CEP250: variants seen among roughly 807,000 people sequenced by gnomAD.
CEP250 encodes centrosomal protein 250.
Under a neutral mutation model 315.7 loss-of-function variants are expected in CEP250, and 242 were observed. The observed-to-expected ratio is 0.77, with a 90% confidence interval of 0.69 to 0.85. The LOEUF is 0.85. Among genes scored for constraint, CEP250 ranks in the 40% least tolerant of loss-of-function variants. The pLI is 0.00. For synonymous variants in CEP250, 1,088 were observed against 1,175.0 expected (o/e 0.93, Z 1.51); for missense variants, 2,515 against 2,886.4 (o/e 0.87, Z 2.95).
chr20:35,502,694 G>A lies in CEP250; in HGVS notation c.4325G>A (p.Gly1442Glu), dbSNP rs753620697. 1 of 1,614,282 alleles carries A rather than the reference G, an allele frequency of 6.2e-7. No homozygotes were observed. Among genetic ancestry groups the A allele is most frequent in the Non-Finnish European group, 8.5e-7 (1 of 1,180,054 alleles). The change falls in exon 30 of 35, where the codon GGA (glycine) becomes GAA (glutamate). Residue 1442 changes from glycine to glutamate, a missense_variant. Transcript: ENST00000397527. ...EREEEVETLR[G>E]QIQELEKQRE... ...GAAGAGGAGGTGGAGACTCTGCGGG[G>A]ACAAATCCAGGAACTGGAGAAGCAA...
chr20:35,498,452 AAT>A, intron 26 of CEP250, 141 bp from the exon 27 acceptor site: 1 of 1,019,976 alleles, frequency 9.8e-7, no homozygotes, highest in Non-Finnish European at 1.4e-6. Context: ...TTATGGAGAA[AAT>A]ATGTGATGAG....
intron 21 of CEP250, 98 bp from the exon 22 acceptor site, chr20:35,491,114 C>T: frequency 2.1e-6 from 3 of 1,443,334 alleles, no homozygotes; most frequent in South Asian, 1.3e-5. Context: ...TTCCCATTTG[C>T]TAGGAGAGCC....
intron 29 of CEP250, among the ~76,000 whole-genome samples, chr20:35,502,172 G>T (rs1405938534): frequency 1.3e-5 from 2 of 152,200 alleles, no homozygotes; most frequent in Non-Finnish European, 2.9e-5. Context: ...TTTGCCCCTT[G>T]TCCTGAAGGA....
At chr20:35,485,115 G>A (rs529776918) in intron 20 of CEP250, among the ~76,000 whole-genome samples, 2 of 150,406 alleles carry the variant, frequency 1.3e-5, no homozygotes, top group African/African-American at 4.9e-5. Context: ...GCTTACGCCT[G>A]TAATCCCAGC....
At position 35,479,704 on chromosome 20, in the gene CEP250, A is replaced by G. The variant is rs1456221198; in HGVS notation, c.2347A>G (p.Ile783Val). ...LFEAQQQNSV[I>V]EVTKGQLEVQ... ...TGAAGCCCAACAACAAAATTCTGTGATAGAGGTCACCAAGGGGCAGCTGGA... is the reference window on the plus strand; with the variant it reads ...TGAAGCCCAACAACAAAATTCTGTGGTAGAGGTCACCAAGGGGCAGCTGGA... Residue 783 changes from isoleucine to valine, a missense_variant, in exon 19 of 35, where the codon ATA becomes GTA. By Grantham distance (29) the Ile-to-Val change is conservative. Transcript: ENST00000397527. 2 of 1,614,124 alleles carry G rather than the reference A, an allele frequency of 1.2e-6. No individual in the cohort carries two copies. The highest frequency in any genetic ancestry group is 1.7e-5 in the Admixed American group (1 of 60,012).
intron 23 of CEP250, among the ~76,000 whole-genome samples, chr20:35,493,811 GCTGT>G (rs1268079975): frequency 6.6e-6 from 1 of 152,070 alleles, no homozygotes; most frequent in African/African-American, 2.4e-5. Context: ...GTTTTCCCTG[GCTGT>G]CTCAGTTTCA....
At chr20:35,499,127 T>C (rs1234568375) in intron 27 of CEP250, among the ~76,000 whole-genome samples, 2 of 152,014 alleles carry the variant, frequency 1.3e-5, no homozygotes, top group Non-Finnish European at 2.9e-5. Flanking sequence ...ATACAAAAAT[T>C]AGCCAGAGGT....
At chr20:35,484,510 T>C (rs970628138) in intron 20 of CEP250, among the ~76,000 whole-genome samples, 7 of 152,134 alleles carry the variant, frequency 4.6e-5, no homozygotes, top group Non-Finnish European at 8.8e-5. Flanking sequence ...TTTTGTCCCC[T>C]CTCCACATCC....
chr20:35,458,473 ATCTT>A (rs2146634654), intron 2 of CEP250, 99 bp downstream of exon 2: 1 of 152,320 alleles, frequency 6.6e-6, no homozygotes, highest in Non-Finnish European at 1.5e-5. Context: ...AAAGAAATGA[ATCTT>A]TCCCTTTTTC....
intron 1 of CEP250, among the ~76,000 whole-genome samples, 161 bp from the exon 2 acceptor site, chr20:35,458,143 T>A (rs2062672711): frequency 6.6e-6 from 1 of 152,260 alleles, no homozygotes; most frequent in South Asian, 2.1e-4. Flanking sequence ...TTAATACCAT[T>A]CTGCATCTTA....
intron 29 of CEP250, 109 bp from the exon 30 acceptor site, chr20:35,502,281 C>A: frequency 9.7e-7 from 1 of 1,028,288 alleles, no homozygotes; most frequent in Non-Finnish European, 1.4e-6. Context: ...TTTTTTTGCC[C>A]AAGTCCTTAT....
At position 35,502,685 on chromosome 20, in the gene CEP250, C is replaced by G; in HGVS notation, c.4316C>G (p.Thr1439Ser). The G allele has an allele frequency of 6.2e-7, 1 of 1,614,214 alleles. No individual in the cohort carries two copies. The highest frequency in any genetic ancestry group is 8.5e-7 in the Non-Finnish European group (1 of 1,180,028). The stretch of plus-strand genomic sequence containing the variant: ...GCTGAAAGAGAAGAGGAGGTGGAGA[C>G]TCTGCGGGGACAAATCCAGGAACTG... ...TLAEREEEVETLRGQIQELEK... is the reference protein window; with the variant it reads ...TLAEREEEVESLRGQIQELEK... Residue 1439 changes from threonine (T) to serine (S), a missense_variant, in exon 30 of 35, where the codon ACT (threonine) becomes AGT (serine). Thr to Ser is a moderately conservative substitution (Grantham distance 58, BLOSUM62 1). Coordinates refer to ENST00000397527, the MANE Select transcript of CEP250 (RefSeq NM_007186.6).
chr20:35,503,171 G>T lies in CEP250; in HGVS notation c.4802G>T (p.Ser1601Ile). 6.2e-7 allele frequency: 1 copy of T among 1,614,132 alleles called. No individual in the cohort carries two copies. Among genetic ancestry groups the T allele is most frequent in the Non-Finnish European group, 8.5e-7 (1 of 1,179,996 alleles). The change falls in exon 30 of 35, where the codon AGC (serine) becomes ATC (isoleucine). Residue 1601 changes from serine to isoleucine, a missense_variant. Physicochemically the swap from Ser to Ile is moderately radical, Grantham distance 142. Coordinates refer to ENST00000397527, the MANE Select transcript of CEP250 (RefSeq NM_007186.6). The surrounding 1 kb of genome is among the most constrained non-coding windows in gnomAD (Gnocchi z 4.2). ...THLTLDLEER[S>I]QELQAQSSQI... ...CTTACGCTGGACCTAGAAGAAAGGA[G>T]CCAGGAGCTGCAGGCACAAAGCAGC...
chr20:35,459,116 C>T (rs760110862), intron 2 of CEP250, among the ~76,000 whole-genome samples: 98 of 151,334 alleles, frequency 6.5e-4, no homozygotes, highest in Non-Finnish European at 5.9e-4. Flanking sequence ...CAGGTGTGAG[C>T]CACTGTGCCT....
At position 35,501,928 on chromosome 20, in the gene CEP250, C is replaced by T. The variant is rs747999521; in HGVS notation, c.3982C>T (p.Arg1328Cys). 85 of 1,613,320 alleles carry T rather than the reference C, an allele frequency of 5.3e-5. No individual in the cohort carries two copies. The highest frequency in any genetic ancestry group is 5.9e-5 in the Non-Finnish European group (70 of 1,180,020). ...LHETMASLQS[R>C]LRRAELQRME... ...TGAAACTATGGCATCCTTACAGAGT[C>T]GCCTGCGGAGAGCAGAGCTACAGCG... is the stretch of plus-strand genomic sequence containing the variant. Residue 1328 changes from arginine (R) to cysteine (C), a missense_variant, in exon 29 of 35, where the codon CGC (arginine) becomes TGC (cysteine). By Grantham distance (180) the Arg-to-Cys change is radical. Transcript: ENST00000397527.
At chr20:35,463,457 C>A in intron 4 of CEP250, 118 bp from the exon 5 acceptor site, 1 of 732,826 alleles carries the variant, frequency 1.4e-6, no homozygotes, top group East Asian at 3.0e-5. Flanking sequence ...CCTTACCTTA[C>A]TGTCACCACC....
At chr20:35,493,671 C>T (rs1244439787) in intron 23 of CEP250, 99 bp downstream of exon 23, 2 of 1,220,688 alleles carry the variant, frequency 1.6e-6, no homozygotes, top group Non-Finnish European at 2.2e-6. Flanking sequence ...GGCCCTGCTG[C>T]CTGGTTTGGG....
At chr20:35,482,626 C>G (rs1295988777) in intron 20 of CEP250, among the ~76,000 whole-genome samples, 1 of 151,932 alleles carries the variant, frequency 6.6e-6, no homozygotes, top group African/African-American at 2.4e-5. Context: ...GTGGTGCAAT[C>G]TCGGCTCACT....
At chr20:35,460,966 T>C (rs1312008294) in intron 3 of CEP250, among the ~76,000 whole-genome samples, 3 of 152,166 alleles carry the variant, frequency 2.0e-5, no homozygotes, top group Non-Finnish European at 4.4e-5. Flanking sequence ...AGAGTAGACA[T>C]CAGAACATAT....
Sources: gnomAD v4.1 joint callset for allele counts (sites outside exome capture counted in the v4.1 genomes callset) on GRCh38, gnomAD v4.1.1 for gene constraint, Gnocchi (gnomAD v3.1) non-coding constraint, MANE v1.5 for transcripts, NCBI Gene and HGNC (gene_info 2026-07-23, HGNC 2026-07-21) for gene names.